The following AEBP2 variants were observed in gnomAD, a reference collection of about 807,000 sequenced individuals.
AEBP2 encodes the protein AE binding protein 2, also known as zinc finger protein AEBP2.
AEBP2 carries 10 observed loss-of-function variants against 50.8 expected under a neutral mutation model. The observed-to-expected ratio is 0.20, with a 90% confidence interval of 0.12 to 0.33. AEBP2 has a LOEUF of 0.33. AEBP2 is among the 10% of genes least tolerant of loss of function. The pLI is 1.00. For synonymous variants in AEBP2, 296 were observed against 261.3 expected, an observed-to-expected ratio of 1.13 and a Z score of -1.28; for missense variants, 570 against 688.0, an observed-to-expected ratio of 0.83 and a Z score of 1.92.
chr12:19,460,755 C>T (rs1275745693), intron 1 of AEBP2, among the ~76,000 whole-genome samples: 1 of 150,900 alleles, frequency 6.6e-6, no homozygotes, highest in Non-Finnish European at 1.5e-5. Flanking sequence ...CCTGGGTTCA[C>T]ACCATTCTCC....
chr12:19,437,929 C>A (rs533989750), upstream of AEBP2, among the ~76,000 whole-genome samples: 1 of 152,154 alleles, frequency 6.6e-6, no homozygotes, highest in Non-Finnish European at 1.5e-5. Context: ...TGTTTTCAGG[C>A]AGTCAGTTCT....
chr12:19,438,362 AAACTC>A (rs1336002280), upstream of AEBP2, among the ~76,000 whole-genome samples: 1 of 152,236 alleles, frequency 6.6e-6, no homozygotes, highest in Admixed American at 6.5e-5. Context: ...TACTATAACA[AAACTC>A]CATTCATTCT....
intron 4 of AEBP2, among the ~76,000 whole-genome samples, chr12:19,497,184 T>G (rs12227824): frequency 0.021 from 3,256 of 151,834 alleles, 42 homozygotes; most frequent in East Asian, 0.042. Context: ...GACCCAAAAT[T>G]CTTAAGATGC....
At chr12:19,500,055 A>G in intron 4 of AEBP2, 42 bp from the exon 5 acceptor site, 2 of 1,526,634 alleles carry the variant, frequency 1.3e-6, no homozygotes, top group Middle Eastern at 1.7e-4. Flanking sequence ...TATTACTGTT[A>G]TGTTTTTCTA....
chr12:19,495,174 A>G (rs1325760766), intron 4 of AEBP2, among the ~76,000 whole-genome samples: 1 of 152,200 alleles, frequency 6.6e-6, no homozygotes, highest in African/African-American at 2.4e-5. Flanking sequence ...AAGTGCTGGG[A>G]TTACAGGCAT....
intron 2 of AEBP2, among the ~76,000 whole-genome samples, chr12:19,463,667 A>ATTTTTTTTTTTTTTTTTTTTTTTTTTTTT (rs34007914): frequency 3.5e-5 from 3 of 84,672 alleles, no homozygotes; most frequent in Non-Finnish European, 6.3e-5. Flanking sequence ...TCATACTTGA[A>ATTTTTTTTTTTTTTTTTTTTTTTTTTTTT]TTTTTTTTTT....
At chr12:19,409,210 T>C (rs1411950967) in intron 1 of AEBP2, among the ~76,000 whole-genome samples, 1 of 152,192 alleles carries the variant, frequency 6.6e-6, no homozygotes, top group Non-Finnish European at 1.5e-5. Context: ...TTAATCTACT[T>C]GCGTTAGTGT....
chr12:19,406,893 C>T (rs1487090049), intron 1 of AEBP2, among the ~76,000 whole-genome samples: 1 of 152,094 alleles, frequency 6.6e-6, no homozygotes, highest in Non-Finnish European at 1.5e-5. Context: ...TAAGGTCTGT[C>T]TAGTTTCATA....
intron 5 of AEBP2, among the ~76,000 whole-genome samples, chr12:19,506,406 TTTC>T (rs1410624951): frequency 6.6e-6 from 1 of 152,330 alleles, no homozygotes; most frequent in Admixed American, 6.5e-5. Flanking sequence ...GGCCCTTTTA[TTTC>T]TCTCTTAGTA....
Position 19,439,980 on chromosome 12 carries a change from GGGAGGACGAAGACGAGGA to G in AEBP2, c.291_308del (p.Glu97_Asp102del). On this transcript the variant is annotated inframe_deletion, in exon 1 of 8. Coordinates refer to ENST00000266508, the MANE Select transcript of AEBP2 (RefSeq NM_153207.5). ...AGCCCCGAGAGCGCCAGCCAGGCCG[GGGAGGACGAAGACGAGGA>G]GGAGGACGACGAGGAGGAGGAAGAT... 6.6e-7 allele frequency: 1 copy of G among 1,524,408 alleles called. No homozygotes were observed. The highest frequency in any genetic ancestry group is 8.8e-7 in the Non-Finnish European group (1 of 1,141,994). The allele number at this position is 1,524,408 out of a possible 1,614,324, so 94.4% of individuals were successfully genotyped here.
chr12:19,501,646 AAAT>A (rs949887986), intron 5 of AEBP2, among the ~76,000 whole-genome samples: 12 of 93,796 alleles, frequency 1.3e-4, no homozygotes, highest in South Asian at 7.4e-4. Context: ...GGAAAAAAAA[AAAT>A]TATATATACA....
chr12:19,407,176 T>C (rs1461136748), intron 1 of AEBP2, among the ~76,000 whole-genome samples: 1 of 152,068 alleles, frequency 6.6e-6, no homozygotes, highest in Non-Finnish European at 1.5e-5. Context: ...TGCACACCTG[T>C]AGTCCCAGCT....
intron 1 of AEBP2, chr12:19,456,468 T>C: frequency 6.8e-7 from 1 of 1,467,444 alleles, no homozygotes; most frequent in East Asian, 2.3e-5. Context: ...GTTAGGGCCA[T>C]CTTCCAGCTT....
chr12:19,501,919 A>G (rs1388550192), intron 5 of AEBP2, among the ~76,000 whole-genome samples: 1 of 147,982 alleles, frequency 6.8e-6, no homozygotes, highest in African/African-American at 2.5e-5. Flanking sequence ...TGCGGGGACA[A>G]GAACCACAAT....
chr12:19,504,921 G>A (rs2120548473), intron 5 of AEBP2, among the ~76,000 whole-genome samples: 1 of 152,308 alleles, frequency 6.6e-6, no homozygotes, highest in East Asian at 1.9e-4. Context: ...AAAATTTGGA[G>A]TCAAAGGCAA....
intron 1 of AEBP2, among the ~76,000 whole-genome samples, chr12:19,447,317 C>T (rs780289143): frequency 6.6e-6 from 1 of 152,172 alleles, no homozygotes; most frequent in African/African-American, 2.4e-5. Flanking sequence ...GACATATTGT[C>T]AGCATTCCGA....
intron 3 of AEBP2, among the ~76,000 whole-genome samples, chr12:19,480,475 A>G (rs1948710752): frequency 6.6e-6 from 1 of 152,180 alleles, no homozygotes; most frequent in South Asian, 2.1e-4. Context: ...CATTTCTTGT[A>G]GTGCTGGCTT....
chr12:19,511,480 C>T (rs527607176), intron 5 of AEBP2, among the ~76,000 whole-genome samples: 1 of 152,304 alleles, frequency 6.6e-6, no homozygotes, highest in South Asian at 2.1e-4. Flanking sequence ...CTGCACCATA[C>T]TAAGAGTGAC....
chr12:19,429,044 G>A (rs1236494901), intron 1 of AEBP2, among the ~76,000 whole-genome samples: 1 of 152,118 alleles, frequency 6.6e-6, no homozygotes. Context: ...TGTTACATGT[G>A]TATACATGTG....
Sources: allele counts gnomAD v4.1 joint callset (sites outside exome capture counted in the v4.1 genomes callset), GRCh38; gene constraint gnomAD v4.1.1; transcripts MANE v1.5; gene names NCBI Gene and HGNC (gene_info 2026-07-23, HGNC 2026-07-21).